PIGN: variants seen among roughly 807,000 people sequenced by gnomAD.
PIGN encodes GPI ethanolamine phosphate transferase 1.
PIGN carries 117 observed loss-of-function variants against 125.4 expected under a neutral mutation model. That is an observed-to-expected ratio of 0.93 (90% CI 0.80 to 1.09). The LOEUF (loss-of-function observed/expected upper bound fraction) is 1.09. Ranked by LOEUF, PIGN falls within the 50% of genes least tolerant of loss-of-function variation. The probability of loss-of-function intolerance (pLI) is 0.00; values close to 1 mark genes in which losing one functional copy is unlikely to be tolerated. For synonymous variants in PIGN, 392 were observed against 377.8 expected (o/e 1.04, Z -0.44); for missense variants, 1,075 against 1,094.9 (o/e 0.98, Z 0.26).
intron 1 of PIGN, among the ~76,000 whole-genome samples, chr18:62,184,896 T>G (rs2037841890): frequency 1.3e-5 from 2 of 152,214 alleles, no homozygotes; most frequent in African/African-American, 4.8e-5. Flanking sequence ...TACCAGGCAC[T>G]GGGACAAGAA....
intron 14 of PIGN, 35 bp downstream of exon 14, chr18:62,138,208 T>A (rs1413070087): frequency 1.4e-5 from 21 of 1,537,470 alleles, no homozygotes; most frequent in Non-Finnish European, 1.7e-5. Flanking sequence ...GAAAATTCTT[T>A]CCTTCAAGTT....
At chr18:62,083,736 ATGTTT>A (rs1311245214) in intron 27 of PIGN, among the ~76,000 whole-genome samples, 2 of 152,210 alleles carry the variant, frequency 1.3e-5, no homozygotes, top group African/African-American at 2.4e-5. Context: ...AAATAGCAAC[ATGTTT>A]TAAAATAACT....
chr18:62,162,949 T>C (rs537174499), intron 2 of PIGN, among the ~76,000 whole-genome samples: 3 of 152,312 alleles, frequency 2.0e-5, no homozygotes, highest in Non-Finnish European at 4.4e-5. Flanking sequence ...AATATAATTC[T>C]CAATGTAGAA....
At chr18:62,098,740 T>C (rs1253902839) in intron 22 of PIGN, among the ~76,000 whole-genome samples, 1 of 152,158 alleles carries the variant, frequency 6.6e-6, no homozygotes, top group Non-Finnish European at 1.5e-5. Flanking sequence ...TACATCATTT[T>C]GTAGGTATCC....
chr18:62,167,696 CTA>C lies in PIGN; in HGVS notation c.-235-4042_-235-4041del, dbSNP rs1230700840. ...CATAACACACTCTCTCTCTCTCTCT[CTA>C]CATATATATATATATACACACACAC... On this transcript the variant is annotated intron_variant, in intron 1 of 30. Coordinates refer to ENST00000640252, the MANE Select transcript of PIGN (RefSeq NM_176787.5). Among the ~76,000 whole-genome samples the C allele has an allele frequency of 3.6e-3, 417 of 115,938 alleles. 3 individuals carry two copies. Among genetic ancestry groups the C allele is most frequent in the Non-Finnish European group, 5.5e-3 (284 of 51,806 alleles). The allele number at this position is 115,938 out of a possible 152,430, so 76.1% of individuals were successfully genotyped here.
chr18:62,045,654 C>T lies in PIGN; in HGVS notation c.*202G>A, dbSNP rs1232347954. 2.2e-6 allele frequency: 1 copy of T among 464,692 alleles called. No individual in the cohort carries two copies. The allele number at this position is 464,692 out of a possible 1,614,324, so 28.8% of individuals were successfully genotyped here. A position where few individuals can be genotyped will look rare whatever the true frequency, so the allele number is the denominator to read the frequency against. ...CTATGCTTTTCCACAGATATAATCA[C>T]TATTTCATGCCTGCAAAACCTAGAA... On this transcript the variant is annotated 3_prime_UTR_variant, in exon 31 of 31. Transcript: ENST00000640252.
At chr18:62,174,118 G>T (rs1177295992) in intron 1 of PIGN, among the ~76,000 whole-genome samples, 1 of 151,674 alleles carries the variant, frequency 6.6e-6, no homozygotes. Flanking sequence ...GGAGGCTGAG[G>T]CAGGAAAATC....
chr18:62,173,340 C>T (rs1228757855), intron 1 of PIGN, among the ~76,000 whole-genome samples: 1 of 152,196 alleles, frequency 6.6e-6, no homozygotes, highest in Non-Finnish European at 1.5e-5. Flanking sequence ...AGACAATCCT[C>T]CCACCTCAGC....
intron 14 of PIGN, among the ~76,000 whole-genome samples, chr18:62,125,989 A>G (rs1942442): frequency 0.24 from 36,097 of 151,968 alleles, 4,535 homozygotes; most frequent in Middle Eastern, 0.38. Flanking sequence ...GTTGGTGATT[A>G]CTAGAACCCA....
intron 14 of PIGN, among the ~76,000 whole-genome samples, chr18:62,129,681 G>A (rs192610701): frequency 2.6e-4 from 10 of 38,494 alleles, no homozygotes; most frequent in East Asian, 1.5e-3. Flanking sequence ...CAGGCACTAC[G>A]TCTATCTTTT....
chr18:62,078,238 G>A (rs1459819041), intron 28 of PIGN, among the ~76,000 whole-genome samples: 1 of 152,212 alleles, frequency 6.6e-6, no homozygotes, highest in Non-Finnish European at 1.5e-5. Flanking sequence ...AAGGATTCTG[G>A]AGAGTGGAGC....
At chr18:62,123,715 T>C (rs1377018686) in intron 14 of PIGN, among the ~76,000 whole-genome samples, 5 of 152,176 alleles carry the variant, frequency 3.3e-5, no homozygotes, top group Non-Finnish European at 7.4e-5. Flanking sequence ...TTTTGAATTT[T>C]AGATATTAAG....
At chr18:62,074,343 A>T (rs1295504892) in intron 29 of PIGN, among the ~76,000 whole-genome samples, 1 of 152,226 alleles carries the variant, frequency 6.6e-6, no homozygotes, top group Non-Finnish European at 1.5e-5. Flanking sequence ...CATTTATTGC[A>T]GCTACGTCTT....
chr18:62,176,226 A>G (rs117395428), intron 1 of PIGN, among the ~76,000 whole-genome samples: 3,170 of 152,234 alleles, frequency 0.021, 31 homozygotes, highest in Middle Eastern at 0.082. Flanking sequence ...CCAGAATACA[A>G]TGAGATATTA....
intron 6 of PIGN, 84 bp from the exon 7 acceptor site, chr18:62,154,735 T>C: frequency 1.4e-6 from 1 of 715,918 alleles, no homozygotes; most frequent in Non-Finnish European, 2.5e-6. Context: ...TCACAGATTT[T>C]TGTGAGTAAC....
At chr18:62,160,088 G>C (rs1568243139) in intron 4 of PIGN, among the ~76,000 whole-genome samples, 1 of 152,190 alleles carries the variant, frequency 6.6e-6, no homozygotes, top group Non-Finnish European at 1.5e-5. Flanking sequence ...ACTCCAGCCT[G>C]GGTGACAGAG....
intron 26 of PIGN, 115 bp downstream of exon 26, chr18:62,085,094 T>C: frequency 1.5e-6 from 1 of 652,176 alleles, no homozygotes; most frequent in Non-Finnish European, 2.7e-6. Context: ...GGCAACAGAG[T>C]GAGACTTGGT....
chr18:62,085,159 G>A, intron 26 of PIGN, 50 bp downstream of exon 26: 1 of 1,004,452 alleles, frequency 1.0e-6, no homozygotes, highest in East Asian at 2.6e-5. Context: ...GAAGTCCCAG[G>A]TTGCATTATT....
At chr18:62,156,773 A>G (rs1225337128) in intron 6 of PIGN, among the ~76,000 whole-genome samples, 1 of 152,226 alleles carries the variant, frequency 6.6e-6, no homozygotes, top group South Asian at 2.1e-4. Context: ...TACATAATTT[A>G]ATTATAAAAA....
Sources: gnomAD v4.1 joint callset for allele counts (sites outside exome capture counted in the v4.1 genomes callset) on GRCh38, gnomAD v4.1.1 for gene constraint, MANE v1.5 for transcripts, NCBI Gene and HGNC (gene_info 2026-07-23, HGNC 2026-07-21) for gene names.